The following CSMD1 variants were observed in gnomAD, a reference collection of about 807,000 sequenced individuals.
CSMD1 encodes the protein CUB and sushi domain-containing protein 1.
CSMD1 carries 213 observed loss-of-function variants against 417.5 expected under a neutral mutation model. The observed-to-expected ratio is 0.51, with a 90% CI of 0.46 to 0.57. The LOEUF (loss-of-function observed/expected upper bound fraction) is 0.57, where lower values mean the gene tolerates loss of function less well. Among genes scored for constraint, CSMD1 ranks in the 20% least tolerant of loss-of-function variants. CSMD1 has a pLI of 0.00. For missense variants in CSMD1, 6,923 were observed against 4,529.7 expected (o/e 1.53, Z -15.17); for synonymous variants, 2,862 against 1,736.8 (o/e 1.65, Z -16.11).
chr8:3,642,871 T>G (rs769794264), intron 7 of CSMD1, among the ~76,000 whole-genome samples: 7 of 151,882 alleles, frequency 4.6e-5, no homozygotes, highest in Non-Finnish European at 7.4e-5. Context: ...AGATTATACA[T>G]ATATATAGAT....
At chr8:4,552,820 C>A (rs753862571) in intron 2 of CSMD1, among the ~76,000 whole-genome samples, 1 of 152,150 alleles carries the variant, frequency 6.6e-6, no homozygotes, top group Admixed American at 6.5e-5. Flanking sequence ...CACAGGATAG[C>A]CCACTGCAAT....
intron 3 of CSMD1, among the ~76,000 whole-genome samples, chr8:4,412,881 AAAAG>A (rs559545937): frequency 1.2e-3 from 178 of 152,340 alleles, no homozygotes; most frequent in Non-Finnish European, 2.0e-3. Flanking sequence ...CAGAACAAGA[AAAAG>A]AAAGACATAA....
At chr8:4,197,587 A>C (rs1417838750) in intron 3 of CSMD1, among the ~76,000 whole-genome samples, 1 of 152,196 alleles carries the variant, frequency 6.6e-6, no homozygotes, top group East Asian at 1.9e-4. Context: ...GCTAATAAAA[A>C]TCATCTTCCA....
chr8:4,327,563 C>T (rs915788234), intron 3 of CSMD1, among the ~76,000 whole-genome samples: 3 of 151,994 alleles, frequency 2.0e-5, no homozygotes, highest in African/African-American at 4.8e-5. Context: ...TCCTGTGGGG[C>T]GCTCATCACT....
chr8:3,974,399 T>C (rs1022982167), intron 5 of CSMD1, among the ~76,000 whole-genome samples: 8 of 152,072 alleles, frequency 5.3e-5, no homozygotes, highest in Non-Finnish European at 1.2e-4. Flanking sequence ...ATTAAACATG[T>C]ATTTTTATTT....
chr8:4,963,150 TCTGTAAGCTTTGGTAAATCAG>T (rs1256461751), intron 1 of CSMD1, among the ~76,000 whole-genome samples: 2 of 152,138 alleles, frequency 1.3e-5, no homozygotes, highest in African/African-American at 4.8e-5. Flanking sequence ...TCAATTGCCC[TCTGTAAGCTTTGGTAAATCAG>T]CTGTAATCCC....
intron 3 of CSMD1, among the ~76,000 whole-genome samples, chr8:4,341,828 CATA>C (rs1800494772): frequency 6.6e-6 from 1 of 152,076 alleles, no homozygotes; most frequent in Middle Eastern, 3.2e-3. Context: ...AGCACATCTG[CATA>C]ATAACAGAAG....
intron 1 of CSMD1, among the ~76,000 whole-genome samples, chr8:4,757,629 C>G (rs1416726463): frequency 6.6e-6 from 1 of 152,142 alleles, no homozygotes; most frequent in Non-Finnish European, 1.5e-5. Flanking sequence ...GTGCTCTCTT[C>G]AGCTTTTATG....
intron 1 of CSMD1, among the ~76,000 whole-genome samples, chr8:4,953,883 G>C (rs1485881986): frequency 1.3e-5 from 2 of 152,090 alleles, no homozygotes; most frequent in South Asian, 4.2e-4. Flanking sequence ...CCTGGGCTTA[G>C]AGATTGGACT....
chr8:4,939,005 T>C (rs1406019048), intron 1 of CSMD1, among the ~76,000 whole-genome samples: 1 of 152,216 alleles, frequency 6.6e-6, no homozygotes, highest in African/African-American at 2.4e-5. Flanking sequence ...TTTCTTTCTA[T>C]TGAGTCATAG....
At chr8:3,035,260 T>G (rs1373818449) in intron 50 of CSMD1, among the ~76,000 whole-genome samples, 1 of 152,198 alleles carries the variant, frequency 6.6e-6, no homozygotes. Flanking sequence ...GAGACGCGCA[T>G]CTGTTTAAAA....
chr8:3,345,408 G>C (rs1180023639), intron 22 of CSMD1, among the ~76,000 whole-genome samples: 4 of 152,074 alleles, frequency 2.6e-5, no homozygotes, highest in Non-Finnish European at 5.9e-5. Context: ...CCCAGAGAAA[G>C]TGTATGTCGT....
At chr8:4,014,636 G>A (rs1056014582) in intron 4 of CSMD1, among the ~76,000 whole-genome samples, 1 of 152,174 alleles carries the variant, frequency 6.6e-6, no homozygotes, top group Non-Finnish European at 1.5e-5. Context: ...AACAAATTCA[G>A]AGCCTGGGTC....
At chr8:3,050,129 T>C (rs1465669152) in intron 50 of CSMD1, among the ~76,000 whole-genome samples, 1 of 149,892 alleles carries the variant, frequency 6.7e-6, no homozygotes, top group African/African-American at 2.4e-5. Context: ...AAACTGATGA[T>C]TGGTCTCCAC....
intron 8 of CSMD1, among the ~76,000 whole-genome samples, chr8:3,615,193 G>A (rs1802075713): frequency 1.3e-5 from 2 of 152,054 alleles, no homozygotes; most frequent in African/African-American, 4.8e-5. Context: ...CTCTTCCTCT[G>A]GAGAACTTCC....
intron 7 of CSMD1, among the ~76,000 whole-genome samples, chr8:3,679,934 T>C (rs4389961): frequency 0.13 from 20,058 of 152,148 alleles, 1,464 homozygotes; most frequent in South Asian, 0.21. Flanking sequence ...CCTGAATGAC[T>C]ACTGGGTACA....
intron 3 of CSMD1, among the ~76,000 whole-genome samples, chr8:4,100,558 G>A (rs917126637): frequency 1.3e-5 from 2 of 152,166 alleles, no homozygotes; most frequent in African/African-American, 2.4e-5. Context: ...ATCAAAGAAT[G>A]TATAAAGAGA....
At chr8:4,307,225 G>T (rs932109829) in intron 3 of CSMD1, among the ~76,000 whole-genome samples, 1 of 152,066 alleles carries the variant, frequency 6.6e-6, no homozygotes. Context: ...TTATAATACA[G>T]CTCATTTGTG....
chr8:3,517,942 G>A (rs1349587495), intron 10 of CSMD1, among the ~76,000 whole-genome samples: 1 of 152,078 alleles, frequency 6.6e-6, no homozygotes, highest in African/African-American at 2.4e-5. Flanking sequence ...GCTTCAACAA[G>A]TCAAATCTTC....
Sources: gnomAD v4.1 joint callset for allele counts (sites outside exome capture counted in the v4.1 genomes callset) on GRCh38, gnomAD v4.1.1 for gene constraint, MANE v1.5 for transcripts, NCBI Gene and HGNC (gene_info 2026-07-23, HGNC 2026-07-21) for gene names.